Variants in ABHD17A observed in about 807,000 individuals in gnomAD.
The protein encoded by ABHD17A is abhydrolase domain containing 17A, depalmitoylase, also known as alpha/beta hydrolase domain-containing protein 17A.
A neutral mutation model predicts 26.8 loss-of-function variants in ABHD17A; 10 were observed. The ratio of observed to expected loss-of-function variants is 0.37; its 90% CI spans 0.23 to 0.63. The LOEUF (loss-of-function observed/expected upper bound fraction) is 0.63, where lower values mean the gene tolerates loss of function less well. Ranked by LOEUF, ABHD17A falls within the 30% of genes least tolerant of loss-of-function variation. The pLI is 0.61. For synonymous variants in ABHD17A, 167 were observed against 210.9 expected, an observed-to-expected ratio of 0.79 and a Z score of 1.80; for missense variants, 292 against 457.3, an observed-to-expected ratio of 0.64 and a Z score of 3.30.
chr19:1,884,017 T>C (rs7250218), intron 1 of ABHD17A, among the ~76,000 whole-genome samples: 16,043 of 152,102 alleles, frequency 0.11, 1,478 homozygotes, highest in African/African-American at 0.25. Flanking sequence ...AGGAACTCCC[T>C]TCCCCAACCT....
chr19:1,877,837 C>G, intron 3 of ABHD17A, 150 bp from the exon 4 acceptor site: 1 of 688,150 alleles, frequency 1.5e-6, no homozygotes, highest in Non-Finnish European at 2.4e-6. Flanking sequence ...CACACCAGTC[C>G]CGAGGGCCAC....
rs1422955883 is a variant in ABHD17A, at chr19:1,880,882, G to C, written c.332+353C>G. On this transcript the variant is annotated intron_variant, in intron 2 of 4. Transcript: ENST00000292577. The surrounding 1 kb of genome is among the most constrained non-coding windows in gnomAD (Gnocchi z 4.1). Reference sequence around the variant, plus strand: ...AGGCTCGCCCTCTGGACTCAGATCTGGTCAGAACCCCACCTGGCGAGAAGG... The same window carrying C: ...AGGCTCGCCCTCTGGACTCAGATCTCGTCAGAACCCCACCTGGCGAGAAGG... 43 of 1,612,968 alleles carry C rather than the reference G, an allele frequency of 2.7e-5. No homozygotes were observed. The highest frequency in any genetic ancestry group is 3.6e-5 in the Non-Finnish European group (43 of 1,179,860).
chr19:1,881,102 C>G, intron 2 of ABHD17A, 133 bp downstream of exon 2: 2 of 1,572,246 alleles, frequency 1.3e-6, no homozygotes, highest in Non-Finnish European at 1.7e-6. Context: ...GGATACCACC[C>G]TTGCTGGCTG....
In ABHD17A at chr19:1,877,713, C is replaced by G. The variant is rs927183379; in HGVS notation, c.528-26G>C. On this transcript the variant is annotated intron_variant, in intron 3 of 4. Transcript: ENST00000292577. Reference sequence around the variant, plus strand: ...CTGGCGGCGCCGGAGCAGGGTCAGCCGCGGCCTCCGACGCGCGCGCACCCT... The same window carrying G: ...CTGGCGGCGCCGGAGCAGGGTCAGCGGCGGCCTCCGACGCGCGCGCACCCT... The G allele has an allele frequency of 4.4e-6, 7 of 1,584,600 alleles. No homozygotes were observed. In the Admixed American group the frequency reaches 8.5e-5, roughly 19 times the overall value.
chr19:1,877,122 A>T lies in ABHD17A; in HGVS notation c.*78T>A. On this transcript the variant is annotated 3_prime_UTR_variant, in exon 5 of 5. Coordinates refer to ENST00000292577, the MANE Select transcript of ABHD17A (RefSeq NM_001130111.2). ...TGGGCCGCCCGGGGGGTCCACATGC[A>T]GCCCCTGGGTGGGGGCCGGCGCGGG... 2 of 1,414,382 alleles carry T rather than the reference A, an allele frequency of 1.4e-6. No homozygotes were observed. Among genetic ancestry groups the T allele is most frequent in the Non-Finnish European group, 1.9e-6 (2 of 1,049,128 alleles). 87.6% of individuals were successfully genotyped at this position (1,414,382 alleles called of 1,614,324 possible).
intron 4 of ABHD17A, 34 bp from the exon 5 acceptor site, chr19:1,877,459 C>G (rs1453562744): frequency 5.1e-6 from 8 of 1,567,784 alleles, no homozygotes; most frequent in Non-Finnish European, 6.0e-6. Context: ...TGAGACTTCG[C>G]GCCCGGCCCG....
At position 1,877,494 on chromosome 19, in the gene ABHD17A, C is replaced by T. The variant is rs1396675656; in HGVS notation, c.707+14G>A. On this transcript the variant is annotated intron_variant, in intron 4 of 4. Coordinates refer to ENST00000292577, the MANE Select transcript of ABHD17A (RefSeq NM_001130111.2). ...GGGCCCCGCCCCGCCCCCGTCCCCG[C>T]CCGGGCCGCTCACTTAGGGAAGGCG... The T allele has an allele frequency of 8.2e-6, 13 of 1,589,452 alleles. No individual in the cohort carries two copies. Among genetic ancestry groups the T allele is most frequent in the South Asian group, 6.7e-5 (6 of 90,190 alleles).
At chr19:1,882,575 A>T (rs1219945400) in intron 1 of ABHD17A, 1 of 152,080 alleles carries the variant, frequency 6.6e-6, no homozygotes, top group East Asian at 1.9e-4. Context: ...ATAAGTGCAG[A>T]CACCACACAC....
Position 1,877,148 on chromosome 19 carries a change from G to T in ABHD17A, c.*52C>A, listed in dbSNP as rs2012379965. Reference sequence around the variant, plus strand: ...GCCCCTGGGTGGGGGCCGGCGCGGGGTGAGGTCCGGGGGCCGCCTTATTGC... The same window carrying T: ...GCCCCTGGGTGGGGGCCGGCGCGGGTTGAGGTCCGGGGGCCGCCTTATTGC... On this transcript the variant is annotated 3_prime_UTR_variant, in exon 5 of 5. Transcript: ENST00000292577. The T allele has an allele frequency of 1.8e-5, 26 of 1,458,594 alleles. No homozygotes were observed. The highest frequency in any genetic ancestry group is 2.3e-5 in the Non-Finnish European group (25 of 1,082,544). 90.4% of individuals were successfully genotyped at this position (1,458,594 alleles called of 1,614,324 possible). A position where few individuals can be genotyped will look rare whatever the true frequency, so the allele number is the denominator to read the frequency against.
chr19:1,885,090 G>A (rs1328991181), intron 1 of ABHD17A, among the ~76,000 whole-genome samples: 1 of 152,220 alleles, frequency 6.6e-6, no homozygotes, highest in Non-Finnish European at 1.5e-5. Context: ...TCGGACGGGT[G>A]CTCCCCGAAG....
At chr19:1,881,042 T>C (rs765304985) in intron 2 of ABHD17A, 193 bp downstream of exon 2, 22 of 1,605,938 alleles carry the variant, frequency 1.4e-5, no homozygotes, top group Non-Finnish European at 1.8e-5. Context: ...GAGCCTGGTG[T>C]CCTTGTCTGC....
At position 1,885,353 on chromosome 19, in the gene ABHD17A, ACCCCGGCCCGCGCCCCCGGGC is replaced by A. The variant is rs1468349455; in HGVS notation, c.-261_-241del. The A allele has an allele frequency of 6.9e-6, 1 of 144,048 alleles. No individual in the cohort carries two copies. The highest frequency in any genetic ancestry group is 1.5e-5 in the Non-Finnish European group (1 of 65,228). 8.9% of individuals were successfully genotyped at this position (144,048 alleles called of 1,614,324 possible). A position where few individuals can be genotyped will look rare whatever the true frequency, so the allele number is the denominator to read the frequency against. On this transcript the variant is annotated splice_region_variant and 5_prime_UTR_variant, in exon 1 of 5. Coordinates refer to ENST00000292577, the MANE Select transcript of ABHD17A (RefSeq NM_001130111.2). ...CCCCCGCCCCTGCCCGGCACTCACC[ACCCCGGCCCGCGCCCCCGGGC>A]CCCAGGGCCGCGCTCCATGGCTCCC...
rs1293285080 is a variant in ABHD17A at position 1,877,371 on chromosome 19, C to T, written c.762G>A (p.Glu254=). 1.3e-6 allele frequency: 2 copies of T among 1,554,362 alleles called. No individual in the cohort carries two copies. The highest frequency in any genetic ancestry group is 2.7e-5 in the African/African-American group (2 of 74,288). Residue 254 remains glutamate (E), a synonymous_variant, in exon 5 of 5, where the codon GAG becomes GAA. Coordinates refer to ENST00000292577, the MANE Select transcript of ABHD17A (RefSeq NM_001130111.2). ...TSPVLIIHGT[E]DEVIDFSHGL... is the part of the protein sequence containing the mutation. The stretch of plus-strand genomic sequence containing the variant: ...CGTGCGAGAAGTCGATCACCTCGTC[C>T]TCCGTGCCGTGGATGATGAGCACGG...
chr19:1,880,054 T>G lies in ABHD17A; in HGVS notation c.394A>C (p.Ile132Leu). The change falls in exon 3 of 5, where the codon ATT becomes CTT. Residue 132 changes from isoleucine (I) to leucine (L), a missense_variant. Physicochemically the swap from Ile to Leu is conservative, Grantham distance 5. Around this residue, in one of 4 missense-constraint regions of ABHD17A, gnomAD observed 171 missense variants for 216.1 expected, o/e 0.79. Coordinates refer to ENST00000292577, the MANE Select transcript of ABHD17A (RefSeq NM_001130111.2). This position sits in a 1 kb window ranked among gnomAD's most constrained non-coding sequence, Gnocchi z 4.1. ...CAGTGGAGGCGGGAGCCCAGGCCAA[T>G]GTAGAAGCTGCTCATCTGGCCCAGG... The part of the protein sequence containing the change: ...VDLGQMSSFY[I>L]GLGSRLHCNI... The G allele has an allele frequency of 6.2e-7, 1 of 1,613,096 alleles. No individual in the cohort carries two copies. The highest frequency in any genetic ancestry group is 8.5e-7 in the Non-Finnish European group (1 of 1,179,968).
intron 1 of ABHD17A, chr19:1,882,778 C>CT (rs2012578026): frequency 1.3e-5 from 2 of 152,164 alleles, no homozygotes; most frequent in Non-Finnish European, 2.9e-5. Flanking sequence ...TCTGAGACGT[C>CT]TATCTACCGA....
intron 3 of ABHD17A, 124 bp from the exon 4 acceptor site, chr19:1,877,811 G>A: frequency 1.1e-6 from 1 of 891,360 alleles, no homozygotes; most frequent in Non-Finnish European, 1.7e-6. Flanking sequence ...CAAGTCAGTG[G>A]GTCAGGCTCA....
chr19:1,880,126 C>T lies in ABHD17A; in HGVS notation c.333-11G>A. The T allele has an allele frequency of 6.2e-7, 1 of 1,612,440 alleles. No homozygotes were observed. The highest frequency in any genetic ancestry group is 8.5e-7 in the Non-Finnish European group (1 of 1,179,764). ...AAGAGGACCGTGTACCTGGGACAGGCCGAGAAGGGCCGTTCACATCCTCGC... is the reference window on the plus strand; with the variant it reads ...AAGAGGACCGTGTACCTGGGACAGGTCGAGAAGGGCCGTTCACATCCTCGC... On this transcript the variant is annotated splice_polypyrimidine_tract_variant and intron_variant, in intron 2 of 4. Coordinates refer to ENST00000292577, the MANE Select transcript of ABHD17A (RefSeq NM_001130111.2). This position sits in a 1 kb window ranked among gnomAD's most constrained non-coding sequence, Gnocchi z 4.1.
chr19:1,885,358 G>A lies in ABHD17A; in HGVS notation c.-245C>T, dbSNP rs980472704. 2.7e-5 allele frequency: 4 copies of A among 148,784 alleles called. No homozygotes were observed. The highest frequency in any genetic ancestry group is 7.4e-5 in the African/African-American group (3 of 40,602). 9.2% of individuals were successfully genotyped at this position (148,784 alleles called of 1,614,324 possible). The stretch of plus-strand genomic sequence containing the variant: ...GCCCCTGCCCGGCACTCACCACCCC[G>A]GCCCGCGCCCCCGGGCCCCAGGGCC... On this transcript the variant is annotated 5_prime_UTR_variant, in exon 1 of 5. Transcript: ENST00000292577.
rs1333528085 is a variant in ABHD17A at position 1,880,663 on chromosome 19, T to C, written c.333-548A>G. ...GCCCCCAACAAGCAAATGCGGCCAA[T>C]CTCTGCTCACACTCATGCAGCCCCT... is the stretch of plus-strand genomic sequence containing the variant. On this transcript the variant is annotated intron_variant, in intron 2 of 4. Coordinates refer to ENST00000292577, the MANE Select transcript of ABHD17A (RefSeq NM_001130111.2). This position sits in a 1 kb window ranked among gnomAD's most constrained non-coding sequence, Gnocchi z 4.1. Among the ~76,000 whole-genome samples, 1 of 151,808 alleles carries C rather than the reference T, an allele frequency of 6.6e-6. No homozygotes were observed. Among genetic ancestry groups the C allele is most frequent in the Non-Finnish European group, 1.5e-5 (1 of 67,966 alleles).
Sources: allele counts gnomAD v4.1 joint callset (sites outside exome capture counted in the v4.1 genomes callset), GRCh38; gene constraint gnomAD v4.1.1; regional missense constraint gnomAD v4.1.1; non-coding constraint Gnocchi (gnomAD v3.1); transcripts MANE v1.5; gene names NCBI Gene and HGNC (gene_info 2026-07-23, HGNC 2026-07-21).